HMCN1: variants seen among roughly 807,000 people sequenced by gnomAD.
HMCN1 encodes the protein hemicentin-1.
HMCN1 carries 321 observed loss-of-function variants against 625.9 expected under a neutral mutation model. That is an observed-to-expected ratio of 0.51 (90% confidence interval 0.47 to 0.56). The LOEUF is 0.56. HMCN1 is among the 20% of genes least tolerant of loss of function. HMCN1 has a pLI of 0.00. For synonymous variants in HMCN1, 2,425 were observed against 2,417.6 expected, an observed-to-expected ratio of 1.00 and a Z score of -0.09; for missense variants, 6,588 against 6,887.3, an observed-to-expected ratio of 0.96 and a Z score of 1.54.
At chr1:186,071,336 G>C (rs1353141797) in intron 52 of HMCN1, among the ~76,000 whole-genome samples, 1 of 152,176 alleles carries the variant, frequency 6.6e-6, no homozygotes. Flanking sequence ...GCCCAGTACA[G>C]TTAACTGGGA....
At position 186,090,925 on chromosome 1, in the gene HMCN1, T is replaced by G. The variant is rs771226228; in HGVS notation, c.9887+8T>G. On this transcript the variant is annotated splice_region_variant and intron_variant, in intron 64 of 106. Transcript: ENST00000271588. The stretch of plus-strand genomic sequence containing the variant: ...TGAAACAGAAAGAATCCGGTATGTT[T>G]AAAAATAATCTTTCCATTATAAATT... The G allele has an allele frequency of 6.2e-7, 1 of 1,610,488 alleles. No homozygotes were observed. The highest frequency in any genetic ancestry group is 1.1e-5 in the South Asian group (1 of 91,030).
At chr1:186,063,098 A>ATATATATATATATATATC (rs1657856832) in intron 48 of HMCN1, among the ~76,000 whole-genome samples, 1 of 125,250 alleles carries the variant, frequency 8.0e-6, no homozygotes, top group Non-Finnish European at 1.7e-5. Context: ...ATATATATAT[A>ATATATATATATATATATC]TATATCACAT....
At chr1:185,868,953 G>A (rs1273577725) in intron 4 of HMCN1, among the ~76,000 whole-genome samples, 3 of 152,122 alleles carry the variant, frequency 2.0e-5, no homozygotes, top group African/African-American at 4.8e-5. Flanking sequence ...GAGAAGCATT[G>A]CTAAAGTTGT....
In HMCN1 at chr1:186,129,949, T is replaced by C. The variant is rs1558245550; in HGVS notation, c.12905-17T>C. On this transcript the variant is annotated splice_polypyrimidine_tract_variant and intron_variant, in intron 83 of 106. Coordinates refer to ENST00000271588, the MANE Select transcript of HMCN1 (RefSeq NM_031935.3). ...AGGTTACTGAGAGGCACTTGTGTTG[T>C]TTCTTGTTTCCCTCAGCCCACTTTG... 1 of 1,612,476 alleles carries C rather than the reference T, an allele frequency of 6.2e-7. No individual in the cohort carries two copies.
At chr1:185,880,797 G>T (rs1664256032) in intron 4 of HMCN1, among the ~76,000 whole-genome samples, 1 of 152,374 alleles carries the variant, frequency 6.6e-6, no homozygotes, top group South Asian at 2.1e-4. Flanking sequence ...TAAAATCTCA[G>T]CTCTACTGCT....
At chr1:185,956,711 TCTC>T (rs1649657116) in intron 11 of HMCN1, among the ~76,000 whole-genome samples, 10 of 152,240 alleles carry the variant, frequency 6.6e-5, no homozygotes, top group Admixed American at 4.6e-4. Flanking sequence ...GCTGCCTTCA[TCTC>T]CTCTCCCTTC....
At chr1:186,097,569 A>G (rs1425172891) in intron 68 of HMCN1, among the ~76,000 whole-genome samples, 1 of 152,116 alleles carries the variant, frequency 6.6e-6, no homozygotes, top group East Asian at 1.9e-4. Flanking sequence ...AAACAAATAA[A>G]TGGAAAGATA....
At chr1:186,188,680 C>G (rs2102685139) in intron 106 of HMCN1, among the ~76,000 whole-genome samples, 1 of 152,254 alleles carries the variant, frequency 6.6e-6, no homozygotes, top group African/African-American at 2.4e-5. Context: ...CAAATACTGG[C>G]TGGAGCTCAC....
chr1:185,908,006 T>G lies in HMCN1; in HGVS notation c.622-1331T>G, dbSNP rs186069085. The stretch of plus-strand genomic sequence containing the variant: ...GCACAAAGAAGTAGGAGATATGGTT[T>G]TTGATACTGGAGCAAGGACAGGAAT... On this transcript the variant is annotated intron_variant, in intron 4 of 106. Coordinates refer to ENST00000271588, the MANE Select transcript of HMCN1 (RefSeq NM_031935.3). Among the ~76,000 whole-genome samples the G allele has an allele frequency of 2.6e-5, 4 of 152,076 alleles. No individual in the cohort carries two copies. The South Asian group carries it at 6.2e-4, about 24-fold the overall frequency.
chr1:185,887,657 A>C lies in HMCN1; in HGVS notation c.622-21680A>C, dbSNP rs529471443. On this transcript the variant is annotated intron_variant, in intron 4 of 106. Coordinates refer to ENST00000271588, the MANE Select transcript of HMCN1 (RefSeq NM_031935.3). Reference sequence around the variant, plus strand: ...TGAACTCATCATTTTTTATGACTGCATAGTATTCCATGGTGTATATGTGCC... The same window carrying C: ...TGAACTCATCATTTTTTATGACTGCCTAGTATTCCATGGTGTATATGTGCC... 1.4e-3 allele frequency among the ~76,000 whole-genome samples: 208 copies of C among 146,172 alleles called. 2 individuals carry two copies. The highest frequency in any genetic ancestry group is 2.4e-3 in the South Asian group (11 of 4,664).
chr1:185,780,381 T>A (rs1238583959), intron 1 of HMCN1, among the ~76,000 whole-genome samples: 1 of 152,204 alleles, frequency 6.6e-6, no homozygotes, highest in Non-Finnish European at 1.5e-5. Flanking sequence ...CTTCCAACAC[T>A]ATGTTGAATA....
At chr1:186,127,537 C>G (rs1661707231) in intron 82 of HMCN1, among the ~76,000 whole-genome samples, 1 of 152,028 alleles carries the variant, frequency 6.6e-6, no homozygotes, top group Non-Finnish European at 1.5e-5. Context: ...TCCTGGAAAC[C>G]ATGTAAAGGT....
chr1:186,166,405 C>A, intron 99 of HMCN1, 102 bp downstream of exon 99: 1 of 1,424,958 alleles, frequency 7.0e-7, no homozygotes, highest in Non-Finnish European at 9.7e-7. Context: ...ACTACTTCTG[C>A]CCACACCTTG....
rs778419510 is a variant in HMCN1, at chr1:186,074,761, T to C, written c.8160T>C (p.His2720=). Reference sequence around the variant, plus strand: ...CACAGCCCCTTAAATCCGATGATCATGTTAATATTGCTGCGAATGGACACA... The same window carrying C: ...CACAGCCCCTTAAATCCGATGATCACGTTAATATTGCTGCGAATGGACACA... The part of the protein sequence containing the change: ...KDGQPLKSDD[H]VNIAANGHTL... The change falls in exon 53 of 107, where the codon CAT becomes CAC. Residue 2720 remains histidine, a synonymous_variant. Transcript: ENST00000271588. The C allele has an allele frequency of 1.3e-5, 21 of 1,612,860 alleles. No homozygotes were observed. The highest frequency in any genetic ancestry group is 1.5e-5 in the Non-Finnish European group (18 of 1,179,276).
intron 68 of HMCN1, among the ~76,000 whole-genome samples, chr1:186,103,080 G>A (rs1039460641): frequency 2.0e-5 from 3 of 151,930 alleles, no homozygotes; most frequent in Non-Finnish European, 2.9e-5. Context: ...CATTGTTTTT[G>A]TAGAAACTAT....
intron 44 of HMCN1, among the ~76,000 whole-genome samples, chr1:186,054,435 A>G (rs559737418): frequency 6.6e-6 from 1 of 151,978 alleles, no homozygotes; most frequent in African/African-American, 2.4e-5. Context: ...CATTTTGTGT[A>G]TGTGGAAATT....
chr1:186,132,701 GGTTA>G (rs1199452137), intron 86 of HMCN1, among the ~76,000 whole-genome samples: 3 of 151,592 alleles, frequency 2.0e-5, no homozygotes, highest in Non-Finnish European at 4.4e-5. Context: ...ACAACGTGCA[GGTTA>G]GTTACATATG....
At chr1:186,065,673 C>T (rs1658064552) in intron 49 of HMCN1, among the ~76,000 whole-genome samples, 1 of 152,108 alleles carries the variant, frequency 6.6e-6, no homozygotes, top group African/African-American at 2.4e-5. Flanking sequence ...ATAAGATAGA[C>T]TAATCAGTAG....
At chr1:185,956,776 G>GT (rs1226317601) in intron 11 of HMCN1, among the ~76,000 whole-genome samples, 35 of 152,114 alleles carry the variant, frequency 2.3e-4, no homozygotes, top group Admixed American at 6.6e-5. Context: ...GATCTTTCTG[G>GT]TGAATTAGCC....
Sources: allele counts gnomAD v4.1 joint callset (sites outside exome capture counted in the v4.1 genomes callset), GRCh38; gene constraint gnomAD v4.1.1; transcripts MANE v1.5; gene names NCBI Gene and HGNC (gene_info 2026-07-23, HGNC 2026-07-21).